MOK: variants seen among roughly 807,000 people sequenced by gnomAD.
MOK encodes the protein MOK protein kinase.
MOK carries 59 observed loss-of-function variants against 54.2 expected under a neutral mutation model. The observed-to-expected ratio is 1.09, with a 90% confidence interval of 0.88 to 1.35. The LOEUF is 1.35. Among genes scored for constraint, MOK ranks in the 40% most tolerant of loss-of-function variants. The pLI, the probability that MOK is intolerant of heterozygous loss-of-function variation, is 0.00. For synonymous variants in MOK, 210 were observed against 202.7 expected (o/e 1.04, Z -0.31); for missense variants, 517 against 526.2 (o/e 0.98, Z 0.17).
At chr14:102,302,617 G>A (rs1422492798) in intron 1 of MOK, among the ~76,000 whole-genome samples, 7 of 151,222 alleles carry the variant, frequency 4.6e-5, no homozygotes, top group Non-Finnish European at 8.8e-5. Context: ...GGGTTTCACC[G>A]TGTTAGCTGG....
At chr14:102,255,339 TA>T (rs986270742) in intron 4 of MOK, among the ~76,000 whole-genome samples, 2 of 150,272 alleles carry the variant, frequency 1.3e-5, no homozygotes, top group East Asian at 3.9e-4. Context: ...AAATAAAATT[TA>T]AAAAAAAAGC....
At chr14:102,278,576 G>T in intron 2 of MOK, 1 of 434,146 alleles carries the variant, frequency 2.3e-6, no homozygotes, top group Non-Finnish European at 4.6e-6. Flanking sequence ...AGAACGGTGG[G>T]AAGATCACCA....
At chr14:102,278,756 A>G in intron 2 of MOK, 1 of 456,052 alleles carries the variant, frequency 2.2e-6, no homozygotes, top group Non-Finnish European at 4.4e-6. Flanking sequence ...TGACACATGC[A>G]TATAATTCAC....
At chr14:102,271,204 C>A (rs2068324971) in intron 2 of MOK, among the ~76,000 whole-genome samples, 1 of 152,102 alleles carries the variant, frequency 6.6e-6, no homozygotes, top group Non-Finnish European at 1.5e-5. Flanking sequence ...AAAAGGAAAT[C>A]ATCCTTCAAT....
intron 2 of MOK, among the ~76,000 whole-genome samples, chr14:102,278,879 G>T (rs1279397356): frequency 1.3e-5 from 2 of 152,190 alleles, no homozygotes; most frequent in African/African-American, 2.4e-5. Flanking sequence ...TGTATTATCT[G>T]TTATGGAAAA....
chr14:102,233,532 GCAGC>G (rs1213871722), intron 8 of MOK, 152 bp downstream of exon 8: 1 of 615,908 alleles, frequency 1.6e-6, no homozygotes, highest in Admixed American at 2.9e-5. Context: ...CTCTGTCTGA[GCAGC>G]CACTCACTGG....
intron 2 of MOK, among the ~76,000 whole-genome samples, chr14:102,279,666 T>C (rs760904958): frequency 1.3e-5 from 2 of 151,986 alleles, no homozygotes; most frequent in Non-Finnish European, 2.9e-5. Context: ...ATTCTGAGGA[T>C]ATACCAGAAA....
At chr14:102,226,008 GTCTAGCTGGAC>G (rs1346612737), downstream of MOK, 6 of 415,814 alleles carry the variant, frequency 1.4e-5, no homozygotes, top group Non-Finnish European at 2.6e-5. The surrounding 1 kb of genome is among the most constrained non-coding windows in gnomAD (Gnocchi z 4.8). Context: ...CCAGGGGTGG[GTCTAGCTGGAC>G]TCTAGCTGCC....
rs1001475531 is a variant in MOK, at chr14:102,236,166, C to T, written c.591-2377G>A. Among the ~76,000 whole-genome samples, 1 of 152,210 alleles carries T rather than the reference C, an allele frequency of 6.6e-6. No homozygotes were observed. Among genetic ancestry groups the T allele is most frequent in the Non-Finnish European group, 1.5e-5 (1 of 68,026 alleles). On this transcript the variant is annotated intron_variant, in intron 7 of 11. Coordinates refer to ENST00000361847, the MANE Select transcript of MOK (RefSeq NM_014226.3). This position sits in a 1 kb window ranked among gnomAD's most constrained non-coding sequence, Gnocchi z 4.5. ...CAGAGCCACCACCCCTTTAACAAGA[C>T]AAAAAGTGAAGAACCGCTTGCATTC...
At chr14:102,283,250 A>G (rs935359816) in intron 2 of MOK, 10 of 394,430 alleles carry the variant, frequency 2.5e-5, no homozygotes, top group African/African-American at 1.9e-4. Context: ...ACACTTTTGA[A>G]ACTTAAACTT....
chr14:102,251,389 A>G (rs2066515141), intron 6 of MOK: 5 of 391,516 alleles, frequency 1.3e-5, no homozygotes, highest in South Asian at 1.1e-4. Context: ...GCTGGGAAAC[A>G]GCAAATTGTA....
rs141215509 is a variant in MOK, at chr14:102,272,436, C to T, written c.123-6524G>A. Reference sequence around the variant, plus strand: ...AGGTTGCAGTGAGCCGAGATCACGCCACCACACTCCAGCCTGTGCAACACA... The same window carrying T: ...AGGTTGCAGTGAGCCGAGATCACGCTACCACACTCCAGCCTGTGCAACACA... On this transcript the variant is annotated intron_variant, in intron 2 of 11. Transcript: ENST00000361847. Among the ~76,000 whole-genome samples the T allele has an allele frequency of 5.8e-3, 874 of 151,826 alleles. 14 individuals carry two copies. Among genetic ancestry groups the T allele is most frequent in the African/African-American group, 0.02 (844 of 41,408 alleles).
intron 2 of MOK, among the ~76,000 whole-genome samples, chr14:102,266,531 T>G (rs1407245940): frequency 6.6e-6 from 1 of 152,116 alleles, no homozygotes; most frequent in Non-Finnish European, 1.5e-5. Context: ...ATTACAAGCG[T>G]GAGCCACTGT....
At chr14:102,244,791 C>T (rs558947481) in intron 7 of MOK, among the ~76,000 whole-genome samples, 6 of 152,280 alleles carry the variant, frequency 3.9e-5, no homozygotes, top group African/African-American at 9.6e-5. Flanking sequence ...GGTCCAATAA[C>T]GGACTGGCCT....
In MOK at chr14:102,232,468, C is replaced by A. The variant is rs1356845695; in HGVS notation, c.866+67G>T. On this transcript the variant is annotated intron_variant, in intron 9 of 11. Transcript: ENST00000361847. This position sits in a 1 kb window ranked among gnomAD's most constrained non-coding sequence, Gnocchi z 5.1. ...CTCCAGGGGGCAGTACCTTGCCCCA[C>A]CATGTGCCCATGGGTCTCATTTGCC... The A allele has an allele frequency of 6.5e-7, 1 of 1,536,454 alleles. No homozygotes were observed. Among genetic ancestry groups the A allele is most frequent in the Non-Finnish European group, 8.8e-7 (1 of 1,130,502 alleles).
chr14:102,283,565 T>G lies in MOK; in HGVS notation c.35A>C (p.Glu12Ala). ...CTTCATAACTTCAGAAAACGTTCCC[T>G]CTCCTATTTTGCCAATTGCTTTATA... is the stretch of plus-strand genomic sequence containing the variant. ...KNYKAIGKIG[E>A]GTFSEVMKMQ... is the part of the protein sequence containing the mutation. Residue 12 changes from glutamate (E) to alanine (A), a missense_variant, in exon 2 of 12, where the codon GAG becomes GCG. Physicochemically the swap from Glu to Ala is moderately radical, Grantham distance 107 (BLOSUM62 -1). Coordinates refer to ENST00000361847, the MANE Select transcript of MOK (RefSeq NM_014226.3). 1 of 1,613,240 alleles carries G rather than the reference T, an allele frequency of 6.2e-7. No homozygotes were observed. Among genetic ancestry groups the G allele is most frequent in the Non-Finnish European group, 8.5e-7 (1 of 1,179,600 alleles).
rs575276969 is a variant in MOK, at chr14:102,232,382, G to A, written c.866+153C>T. 5.9e-5 allele frequency: 47 copies of A among 803,104 alleles called. No individual in the cohort carries two copies. The East Asian group carries it at 1.2e-3, about 21-fold the overall frequency. 49.7% of individuals were successfully genotyped at this position (803,104 alleles called of 1,614,324 possible). A position where few individuals can be genotyped will look rare whatever the true frequency, so the allele number is the denominator to read the frequency against. On this transcript the variant is annotated intron_variant, in intron 9 of 11. Coordinates refer to ENST00000361847, the MANE Select transcript of MOK (RefSeq NM_014226.3). This position sits in a 1 kb window ranked among gnomAD's most constrained non-coding sequence, Gnocchi z 5.1. Reference sequence around the variant, plus strand: ...TACACCAGAAGGCAGCACGGTGTGGGCCCCAAGAGGCCCTGACCACTCTTC... The same window carrying A: ...TACACCAGAAGGCAGCACGGTGTGGACCCCAAGAGGCCCTGACCACTCTTC...
rs141998773 is a variant in MOK at position 102,234,315 on chromosome 14, A to G, written c.591-526T>C. Among the ~76,000 whole-genome samples, 697 of 151,028 alleles carry G rather than the reference A, an allele frequency of 4.6e-3. 6 individuals carry two copies. The highest frequency in any genetic ancestry group is 0.016 in the African/African-American group (647 of 41,018). On this transcript the variant is annotated intron_variant, in intron 7 of 11. Transcript: ENST00000361847. ...CAATCTCCCCTTCCCCGAACCTGCCAAAGACCCAGACAATCTCCTAGACTC... is the reference window on the plus strand; with the variant it reads ...CAATCTCCCCTTCCCCGAACCTGCCGAAGACCCAGACAATCTCCTAGACTC...
chr14:102,224,002 G>A (rs1441249782), downstream of MOK, among the ~76,000 whole-genome samples: 1 of 151,862 alleles, frequency 6.6e-6, no homozygotes, highest in Non-Finnish European at 1.5e-5. Context: ...TATGAACATG[G>A]GACATGAACT....
Sources: gnomAD v4.1 joint callset for allele counts (sites outside exome capture counted in the v4.1 genomes callset) on GRCh38, gnomAD v4.1.1 for gene constraint, Gnocchi (gnomAD v3.1) non-coding constraint, MANE v1.5 for transcripts, NCBI Gene and HGNC (gene_info 2026-07-23, HGNC 2026-07-21) for gene names.